The following POLE variants were observed in gnomAD, a reference collection of about 807,000 sequenced individuals.
POLE encodes DNA polymerase epsilon catalytic subunit A.
A neutral mutation model predicts 279.2 loss-of-function variants in POLE; 188 were observed. The ratio of observed to expected loss-of-function variants is 0.67; its 90% CI spans 0.60 to 0.76. The LOEUF (loss-of-function observed/expected upper bound fraction) is 0.76, where lower values mean the gene tolerates loss of function less well. POLE is among the 30% of genes least tolerant of loss of function. POLE has a pLI of 0.00. For missense variants in POLE, 2,703 were observed against 3,016.7 expected (o/e 0.90, Z 2.44); for synonymous variants, 1,214 against 1,172.5 (o/e 1.04, Z -0.72).
At chr12:132,628,917 C>T (rs925747551) in intron 45 of POLE, among the ~76,000 whole-genome samples, 20 of 152,220 alleles carry the variant, frequency 1.3e-4, no homozygotes, top group African/African-American at 3.4e-4. Context: ...GATATTTTGA[C>T]CCCTTCTCCC....
In POLE at chr12:132,681,138, A is replaced by C. The variant is rs1470560381; in HGVS notation, c.204T>G (p.Pro68=). The change falls in exon 2 of 49, where the codon CCT becomes CCG. Residue 68 remains proline, a splice_region_variant and synonymous_variant. Coordinates refer to ENST00000320574, the MANE Select transcript of POLE (RefSeq NM_006231.4). ...EKTGWLINMH[P]TEILDEDKRL... ...GGTGGGAGAAGGACCTAGTGCTTAC[A>C]GGATGCATGTTAATGAGCCAGCCTG... is the stretch of plus-strand genomic sequence containing the variant. 1 of 1,613,944 alleles carries C rather than the reference A, an allele frequency of 6.2e-7. No individual in the cohort carries two copies. The highest frequency in any genetic ancestry group is 2.2e-5 in the East Asian group (1 of 44,898).
In POLE at chr12:132,661,727, G is replaced by T; in HGVS notation, c.2707-43C>A. ...AGAGGGGGCAGCTTCACTCATGATG[G>T]CCCAAACCTGGAAACCACCTGGTGT... On this transcript the variant is annotated intron_variant, in intron 23 of 48. Coordinates refer to ENST00000320574, the MANE Select transcript of POLE (RefSeq NM_006231.4). This position sits in a 1 kb window ranked among gnomAD's most constrained non-coding sequence, Gnocchi z 4.1. 6.3e-7 allele frequency: 1 copy of T among 1,599,066 alleles called. No homozygotes were observed. Among genetic ancestry groups the T allele is most frequent in the African/African-American group, 1.3e-5 (1 of 74,538 alleles).
intron 1 of POLE, among the ~76,000 whole-genome samples, chr12:132,681,741 A>C (rs2043171871): frequency 6.6e-6 from 1 of 152,208 alleles, no homozygotes; most frequent in African/African-American, 2.4e-5. Context: ...GGCCCTTCAA[A>C]ACCTGTTCAA....
chr12:132,659,702 AT>A (rs1195835764), intron 25 of POLE, 193 bp from the exon 26 acceptor site: 159 of 575,982 alleles, frequency 2.8e-4, no homozygotes, highest in Middle Eastern at 4.6e-4. Context: ...TAGCTTTTAT[AT>A]TTTTTTTGAG....
rs749194160 is a variant in POLE at position 132,668,395 on chromosome 12, G to A, written c.2134C>T (p.Arg712Cys). 6.2e-6 allele frequency: 10 copies of A among 1,609,400 alleles called. No homozygotes were observed. Among genetic ancestry groups the A allele is most frequent in the Non-Finnish European group, 8.5e-6 (10 of 1,177,538 alleles). ...GPARAFHELS[R>C]EEQAKYEKRR... The stretch of plus-strand genomic sequence containing the variant: ...TTCTCGTATTTCGCCTGTTCCTCGC[G>A]GGACAGTTCATGAAAGGCCCGAGCT... The change falls in exon 19 of 49, where the codon CGC becomes TGC. Residue 712 changes from arginine to cysteine, a missense_variant. Arg to Cys is a radical substitution (Grantham distance 180, BLOSUM62 -3). Coordinates refer to ENST00000320574, the MANE Select transcript of POLE (RefSeq NM_006231.4). This position sits in a 1 kb window ranked among gnomAD's most constrained non-coding sequence, Gnocchi z 4.0.
intron 43 of POLE, chr12:132,633,641 G>C (rs1212361754): frequency 6.6e-6 from 1 of 152,480 alleles, no homozygotes; most frequent in East Asian, 1.9e-4. Flanking sequence ...CTTTAACTTA[G>C]GGCTGTCAAC....
At chr12:132,654,172 T>C (rs1271623090) in intron 29 of POLE, among the ~76,000 whole-genome samples, 3 of 152,182 alleles carry the variant, frequency 2.0e-5, no homozygotes, top group Non-Finnish European at 4.4e-5. Flanking sequence ...GGGTTTTTTT[T>C]TTCCTTTTTC....
Position 132,649,863 on chromosome 12 carries a change from G to A in POLE, c.3609C>T (p.Asp1203=), listed in dbSNP as rs768023673. ...RQVTMAEASE[D]SPRPSAPDME... is the part of the protein sequence containing the mutation. ...TGTCAGGAGCACTTGGCCTCGGACT[G>A]TCTTCTGAGGCCTCGGCCATCGTGA... The change falls in exon 30 of 49, where the codon GAC becomes GAT. Residue 1203 remains aspartate (D), a synonymous_variant. Coordinates refer to ENST00000320574, the MANE Select transcript of POLE (RefSeq NM_006231.4). 1.9e-6 allele frequency: 3 copies of A among 1,613,924 alleles called. No homozygotes were observed. The highest frequency in any genetic ancestry group is 1.1e-5 in the South Asian group (1 of 91,074).
intron 32 of POLE, among the ~76,000 whole-genome samples, chr12:132,645,818 A>G (rs2042271770): frequency 6.8e-6 from 1 of 146,398 alleles, no homozygotes; most frequent in Non-Finnish European, 1.5e-5. Flanking sequence ...ACACACACAA[A>G]ATCAAAGAAA....
At chr12:132,680,563 C>G in intron 3 of POLE, 44 bp downstream of exon 3, 1 of 1,408,710 alleles carries the variant, frequency 7.1e-7, no homozygotes, top group South Asian at 1.2e-5. Context: ...GCTACATGAA[C>G]ACCCATAAAA....
chr12:132,632,161 T>C (rs555980523), intron 45 of POLE, among the ~76,000 whole-genome samples, 154 bp downstream of exon 45: 1 of 152,266 alleles, frequency 6.6e-6, no homozygotes, highest in Admixed American at 6.5e-5. Flanking sequence ...TTAACATCCT[T>C]ACCATGCACA....
rs1555230391 is a variant in POLE, at chr12:132,681,141, A to G, written c.201T>C (p.His67=). The G allele has an allele frequency of 6.2e-7, 1 of 1,614,100 alleles. No homozygotes were observed. The highest frequency in any genetic ancestry group is 8.5e-7 in the Non-Finnish European group (1 of 1,180,020). Reference sequence around the variant, plus strand: ...GGGAGAAGGACCTAGTGCTTACAGGATGCATGTTAATGAGCCAGCCTGTCT... The same window carrying G: ...GGGAGAAGGACCTAGTGCTTACAGGGTGCATGTTAATGAGCCAGCCTGTCT... ...GEKTGWLINM[H]PTEILDEDKR... is the part of the protein sequence containing the mutation. The change falls in exon 2 of 49, where the codon CAT becomes CAC. Residue 67 remains histidine (H), a synonymous_variant. Coordinates refer to ENST00000320574, the MANE Select transcript of POLE (RefSeq NM_006231.4).
intron 6 of POLE, among the ~76,000 whole-genome samples, chr12:132,678,818 A>G (rs939594303): frequency 2.0e-5 from 3 of 152,194 alleles, no homozygotes; most frequent in African/African-American, 7.2e-5. Context: ...ATTCAGGGGG[A>G]AAAAGACAGA....
rs200825008 is a variant in POLE at position 132,667,529 on chromosome 12, G to A, written c.2293C>T (p.Arg765Cys). ...VDTVRAFRDR[R>C]YEFKGLHKVW... Reference sequence around the variant, plus strand: ...TTGTGGAGCCCTTTGAACTCGTAACGCCTGTCCCGGAAGGCACGCACGGTG... The same window carrying A: ...TTGTGGAGCCCTTTGAACTCGTAACACCTGTCCCGGAAGGCACGCACGGTG... Residue 765 changes from arginine (R) to cysteine (C), a missense_variant, in exon 20 of 49, where the codon CGT (arginine) becomes TGT (cysteine). Transcript: ENST00000320574. 2 of 1,614,132 alleles carry A rather than the reference G, an allele frequency of 1.2e-6. No individual in the cohort carries two copies. The highest frequency in any genetic ancestry group is 2.2e-5 in the East Asian group (1 of 44,882).
chr12:132,672,911 C>T (rs2135994715), intron 14 of POLE, 72 bp from the exon 15 acceptor site: 1 of 1,367,574 alleles, frequency 7.3e-7, no homozygotes, highest in Non-Finnish European at 1.0e-6. Context: ...AGTCCAGGAA[C>T]CTAAGCTGAA....
rs5744822 is a variant in POLE, at chr12:132,665,430, C to G, written c.2340G>C (p.Ser780=). The G allele has an allele frequency of 3.1e-6, 5 of 1,611,610 alleles. No homozygotes were observed. The highest frequency in any genetic ancestry group is 3.4e-6 in the Non-Finnish European group (4 of 1,179,742). Residue 780 remains serine, a synonymous_variant, in exon 21 of 49, where the codon TCG becomes TCC. Transcript: ENST00000320574. ...CCGCGTCGCCCACCTCCACGGCCGCCGAGAGCTTCTTTTTCCACACCTGAG... is the reference window on the plus strand; with the variant it reads ...CCGCGTCGCCCACCTCCACGGCCGCGGAGAGCTTCTTTTTCCACACCTGAG... ...GLHKVWKKKL[S]AAVEVGDAAE... is the part of the protein sequence containing the mutation.
intron 20 of POLE, among the ~76,000 whole-genome samples, chr12:132,666,011 A>T (rs1593786909): frequency 6.6e-6 from 1 of 152,328 alleles, no homozygotes; most frequent in South Asian, 2.1e-4. Context: ...AAAGTGAGAT[A>T]GTAAGGCAGC....
chr12:132,636,455 AAAAAAAAAAAAAAG>A (rs1298329514), intron 41 of POLE, among the ~76,000 whole-genome samples: 1 of 150,780 alleles, frequency 6.6e-6, no homozygotes, highest in African/African-American at 2.4e-5. Flanking sequence ...AAAAAAAAAA[AAAAAAAAAAAAAAG>A]AACAGGCCAG....
intron 29 of POLE, among the ~76,000 whole-genome samples, chr12:132,652,725 T>G (rs2042449681): frequency 6.6e-6 from 1 of 152,176 alleles, no homozygotes; most frequent in South Asian, 2.1e-4. Flanking sequence ...CTTAACGATC[T>G]GTGACCTACC....
Sources: gnomAD v4.1 joint callset for allele counts (sites outside exome capture counted in the v4.1 genomes callset) on GRCh38, gnomAD v4.1.1 for gene constraint, Gnocchi (gnomAD v3.1) non-coding constraint, MANE v1.5 for transcripts, NCBI Gene and HGNC (gene_info 2026-07-23, HGNC 2026-07-21) for gene names.